Variants in IGF2BP3 observed in about 807,000 individuals in gnomAD.
IGF2BP3 encodes the protein insulin like growth factor 2 mRNA binding protein 3, also known as insulin-like growth factor 2 mRNA-binding protein 3.
A neutral mutation model predicts 73.8 loss-of-function variants in IGF2BP3; 9 were observed. The ratio of observed to expected loss-of-function variants is 0.12; its 90% CI spans 0.07 to 0.21. The LOEUF (loss-of-function observed/expected upper bound fraction) is 0.21. Ranked by LOEUF, IGF2BP3 falls within the 10% of genes least tolerant of loss-of-function variation. The pLI is 1.00. For synonymous variants in IGF2BP3, 258 were observed against 256.7 expected, an observed-to-expected ratio of 1.01 and a Z score of -0.05; for missense variants, 542 against 714.0, an observed-to-expected ratio of 0.76 and a Z score of 2.75.
At chr7:23,453,431 T>C (rs1337786571) in intron 2 of IGF2BP3, among the ~76,000 whole-genome samples, 3 of 152,232 alleles carry the variant, frequency 2.0e-5, no homozygotes, top group Non-Finnish European at 4.4e-5. Context: ...TGTTAAAATG[T>C]GACGTGTAAT....
At chr7:23,456,101 A>G (rs1788310548) in intron 2 of IGF2BP3, among the ~76,000 whole-genome samples, 1 of 152,134 alleles carries the variant, frequency 6.6e-6, no homozygotes, top group African/African-American at 2.4e-5. Flanking sequence ...TCATTTCAGA[A>G]ACTCAAAAAA....
At chr7:23,408,163 A>C (rs1786905405) in intron 3 of IGF2BP3, among the ~76,000 whole-genome samples, 1 of 152,206 alleles carries the variant, frequency 6.6e-6, no homozygotes, top group Admixed American at 6.5e-5. Context: ...TGATGATGAA[A>C]GACAATGTTT....
rs1047095446 is a variant in IGF2BP3 at position 23,406,795 on chromosome 7, A to C, written c.285+11981T>G. Among the ~76,000 whole-genome samples, 7 of 152,166 alleles carry C rather than the reference A, an allele frequency of 4.6e-5. No homozygotes were observed. The South Asian group carries it at 1.4e-3, about 32-fold the overall frequency. Reference sequence around the variant, plus strand: ...TTTACAAACCCTTAGCTAGACACAGAGCACTGATTGGTGCGTTTTTATAGA... The same window carrying C: ...TTTACAAACCCTTAGCTAGACACAGCGCACTGATTGGTGCGTTTTTATAGA... On this transcript the variant is annotated intron_variant, in intron 3 of 14. Transcript: ENST00000258729.
chr7:23,405,635 G>C (rs566400200), intron 3 of IGF2BP3, among the ~76,000 whole-genome samples: 2 of 152,306 alleles, frequency 1.3e-5, no homozygotes, highest in South Asian at 4.1e-4. Context: ...GATTCTCATG[G>C]AAGTGCGTAC....
intron 2 of IGF2BP3, among the ~76,000 whole-genome samples, chr7:23,462,637 C>T (rs754707327): frequency 6.6e-5 from 10 of 152,194 alleles, no homozygotes; most frequent in Non-Finnish European, 7.3e-5. Flanking sequence ...GCTGGGATTA[C>T]AGGTGTGAGC....
chr7:23,323,065 A>G (rs1239287412), intron 10 of IGF2BP3, among the ~76,000 whole-genome samples: 7 of 152,096 alleles, frequency 4.6e-5, no homozygotes, highest in East Asian at 3.9e-4. Context: ...AAATTCACAC[A>G]TAACAATATT....
chr7:23,329,469 TTAGAAG>T (rs1784389616), intron 10 of IGF2BP3, among the ~76,000 whole-genome samples: 1 of 152,200 alleles, frequency 6.6e-6, no homozygotes, highest in Admixed American at 6.5e-5. Context: ...CAACACGTTC[TTAGAAG>T]TAGAACTGCT....
intron 3 of IGF2BP3, among the ~76,000 whole-genome samples, chr7:23,363,577 T>A (rs529128681): frequency 1.3e-5 from 2 of 152,368 alleles, no homozygotes; most frequent in Admixed American, 6.5e-5. Context: ...TAATACCTAT[T>A]TATGAGTGAA....
At chr7:23,391,097 C>CTTT (rs773815068) in intron 3 of IGF2BP3, among the ~76,000 whole-genome samples, 20 of 105,882 alleles carry the variant, frequency 1.9e-4, no homozygotes, top group African/African-American at 6.5e-4. Flanking sequence ...TCGCGCCTGG[C>CTTT]TTTTTTTTTT....
chr7:23,423,560 A>C (rs1787411234), intron 2 of IGF2BP3, among the ~76,000 whole-genome samples: 1 of 152,182 alleles, frequency 6.6e-6, no homozygotes, highest in South Asian at 2.1e-4. Context: ...AACAACAGGG[A>C]CTAATTAGGT....
intron 10 of IGF2BP3, among the ~76,000 whole-genome samples, chr7:23,340,794 A>C (rs1784688820): frequency 6.6e-6 from 1 of 152,082 alleles, no homozygotes; most frequent in Non-Finnish European, 1.5e-5. Flanking sequence ...TCTGACCTCA[A>C]GGAAACTGCT....
At chr7:23,358,360 A>G (rs181819412) in intron 5 of IGF2BP3, among the ~76,000 whole-genome samples, 1 of 152,192 alleles carries the variant, frequency 6.6e-6, no homozygotes. Flanking sequence ...CCTTTCACCT[A>G]AAGATTGAGC....
intron 3 of IGF2BP3, among the ~76,000 whole-genome samples, chr7:23,411,335 A>T (rs978740978): frequency 2.0e-5 from 3 of 152,154 alleles, no homozygotes; most frequent in Non-Finnish European, 4.4e-5. Flanking sequence ...TAATCCCAGC[A>T]CTTTGGGAGG....
intron 2 of IGF2BP3, among the ~76,000 whole-genome samples, chr7:23,453,443 T>C (rs796431016): frequency 4.6e-5 from 7 of 152,340 alleles, no homozygotes; most frequent in African/African-American, 1.7e-4. Flanking sequence ...ACGTGTAATA[T>C]AGTATAACCT....
At chr7:23,396,923 A>G (rs1458361868) in intron 3 of IGF2BP3, among the ~76,000 whole-genome samples, 1 of 152,126 alleles carries the variant, frequency 6.6e-6, no homozygotes, top group African/African-American at 2.4e-5. Context: ...TGACCCTGAA[A>G]GGACTTTTTT....
chr7:23,343,981 C>A, intron 8 of IGF2BP3, 128 bp from the exon 9 acceptor site: 1 of 834,466 alleles, frequency 1.2e-6, no homozygotes. Context: ...GGTGGTAAAA[C>A]ATGATGGGAA....
rs778292498 is a variant in IGF2BP3, at chr7:23,317,722, G to C, written c.1321-9C>G. On this transcript the variant is annotated splice_polypyrimidine_tract_variant and intron_variant, in intron 11 of 14. Transcript: ENST00000258729. ...GCTTCCGCTGGAGCAATCTGTAACA[G>C]ACCCAACAACAAGTTATGATACTTT... 5.6e-6 allele frequency: 9 copies of C among 1,611,280 alleles called. No homozygotes were observed. In the African/African-American group the frequency reaches 8.0e-5, roughly 14 times the overall value.
chr7:23,398,659 G>A (rs1398538291), intron 3 of IGF2BP3, among the ~76,000 whole-genome samples: 2 of 152,120 alleles, frequency 1.3e-5, no homozygotes, highest in African/African-American at 4.8e-5. Context: ...TTCTCTGATG[G>A]CCAGTGATGA....
intron 2 of IGF2BP3, among the ~76,000 whole-genome samples, chr7:23,449,533 T>C (rs887132189): frequency 2.0e-5 from 3 of 149,174 alleles, no homozygotes; most frequent in African/African-American, 7.4e-5. Flanking sequence ...CCTGATACAA[T>C]TTTTTTTCCT....
Sources: allele counts gnomAD v4.1 joint callset (sites outside exome capture counted in the v4.1 genomes callset), GRCh38; gene constraint gnomAD v4.1.1; transcripts MANE v1.5; gene names NCBI Gene and HGNC (gene_info 2026-07-23, HGNC 2026-07-21).